Variants in MAP2K2 observed in about 807,000 individuals in gnomAD.
The protein encoded by MAP2K2 is mitogen-activated protein kinase kinase 2.
In MAP2K2, 24 loss-of-function variants were observed where a neutral mutation model predicts 43.7. The ratio of observed to expected loss-of-function variants is 0.55; its 90% CI spans 0.40 to 0.77. MAP2K2 has a LOEUF of 0.77. MAP2K2 is among the 30% of genes least tolerant of loss of function. MAP2K2 has a pLI of 0.00. For synonymous variants in MAP2K2, 244 were observed against 239.7 expected, an observed-to-expected ratio of 1.02 and a Z score of -0.17; for missense variants, 470 against 566.8, an observed-to-expected ratio of 0.83 and a Z score of 1.73.
chr19:4,109,772 G>A (rs558609507), intron 3 of MAP2K2, among the ~76,000 whole-genome samples: 2 of 152,000 alleles, frequency 1.3e-5, no homozygotes, highest in African/African-American at 4.8e-5. Context: ...CACCGTGCCC[G>A]GCCTAATAGG....
chr19:4,093,759 C>T (rs1018395326), intron 10 of MAP2K2, among the ~76,000 whole-genome samples: 1 of 152,190 alleles, frequency 6.6e-6, no homozygotes, highest in African/African-American at 2.4e-5. Context: ...GTGTCTGTAG[C>T]TGGCATCTCT....
chr19:4,098,491 C>T (rs1360698541), intron 7 of MAP2K2, among the ~76,000 whole-genome samples: 3 of 152,156 alleles, frequency 2.0e-5, no homozygotes, highest in Non-Finnish European at 4.4e-5. Context: ...GCCACCAACT[C>T]TCCCTGATGT....
chr19:4,121,326 G>A (rs2041289326), intron 1 of MAP2K2, among the ~76,000 whole-genome samples: 1 of 151,810 alleles, frequency 6.6e-6, no homozygotes. Context: ...CTGCACCTCT[G>A]CTTTCAGGGG....
intron 3 of MAP2K2, among the ~76,000 whole-genome samples, chr19:4,107,441 G>A (rs1035571912): frequency 2.0e-5 from 3 of 150,246 alleles, no homozygotes; most frequent in East Asian, 2.0e-4. Context: ...GGAGAATGGC[G>A]TGAACCTGGG....
intron 1 of MAP2K2, among the ~76,000 whole-genome samples, chr19:4,118,668 C>A (rs1191219928): frequency 3.3e-5 from 5 of 152,148 alleles, no homozygotes; most frequent in African/African-American, 1.2e-4. Flanking sequence ...AGCACAGTGG[C>A]TCATGCCTGT....
In MAP2K2 at chr19:4,102,991, A is replaced by AG. The variant is rs1387760182; in HGVS notation, c.451-539dup. 4 of 1,070,018 alleles carry AG rather than the reference A, an allele frequency of 3.7e-6. No homozygotes were observed. The African/African-American group carries it at 6.8e-5, about 18-fold the overall frequency. 66.3% of individuals were successfully genotyped at this position (1,070,018 alleles called of 1,614,324 possible). A position where few individuals can be genotyped will look rare whatever the true frequency, so the allele number is the denominator to read the frequency against. ...TCGCTGTGTGCCCGTCCAGACCCCC[A>AG]GGGGGCTCCCTCGCCAAGCCCTGCG... On this transcript the variant is annotated intron_variant, in intron 3 of 10. Transcript: ENST00000262948.
intron 9 of MAP2K2, 102 bp from the exon 10 acceptor site, chr19:4,094,600 G>GATCCA: frequency 8.8e-7 from 1 of 1,132,342 alleles, no homozygotes; most frequent in Non-Finnish European, 1.3e-6. Flanking sequence ...TGGTCGGAGG[G>GATCCA]GGCCTGGATC....
intron 3 of MAP2K2, among the ~76,000 whole-genome samples, chr19:4,108,066 C>T (rs2041108751): frequency 6.6e-6 from 1 of 152,298 alleles, no homozygotes; most frequent in East Asian, 1.9e-4. Flanking sequence ...CAGGCCCTTC[C>T]ATGGAAACCT....
intron 2 of MAP2K2, among the ~76,000 whole-genome samples, chr19:4,114,735 G>A (rs867884665): frequency 2.0e-5 from 3 of 152,100 alleles, no homozygotes; most frequent in African/African-American, 4.8e-5. Context: ...GATTCCTTGA[G>A]GTCAGATGTT....
intron 2 of MAP2K2, among the ~76,000 whole-genome samples, chr19:4,116,033 G>T (rs946235830): frequency 1.3e-5 from 2 of 152,204 alleles, no homozygotes; most frequent in Non-Finnish European, 2.9e-5. Flanking sequence ...ACCAGGGCTT[G>T]CAGACTTTCA....
intron 10 of MAP2K2, among the ~76,000 whole-genome samples, chr19:4,093,749 G>A (rs568305890): frequency 2.0e-4 from 30 of 152,178 alleles, no homozygotes; most frequent in Non-Finnish European, 3.5e-4. Flanking sequence ...ACCCGGTTGG[G>A]TGTCTGTAGC....
At chr19:4,103,301 G>A in intron 3 of MAP2K2, 2 of 972,202 alleles carry the variant, frequency 2.1e-6, no homozygotes, top group East Asian at 1.1e-4. Context: ...TCCATGTCTT[G>A]CCCAAGGCTG....
rs2041334391 is a variant in MAP2K2, at chr19:4,123,760, TCCGGCTGACCC to T, written c.92+13_92+23del. Reference sequence around the variant, plus strand: ...CTCCCTGCCCCGTGCACCCCAAGCCTCCGGCTGACCCCTGCCCACTCACTCGGAGGCGCCCT... The same window carrying T: ...CTCCCTGCCCCGTGCACCCCAAGCCTCTGCCCACTCACTCGGAGGCGCCCT... On this transcript the variant is annotated intron_variant, in intron 1 of 10. Coordinates refer to ENST00000262948, the MANE Select transcript of MAP2K2 (RefSeq NM_030662.4). 6.8e-7 allele frequency: 1 copy of T among 1,474,732 alleles called. No individual in the cohort carries two copies. Among genetic ancestry groups the T allele is most frequent in the Non-Finnish European group, 9.0e-7 (1 of 1,105,688 alleles). The allele number at this position is 1,474,732 out of a possible 1,614,324, so 91.4% of individuals were successfully genotyped here. A position where few individuals can be genotyped will look rare whatever the true frequency, so the allele number is the denominator to read the frequency against.
chr19:4,115,756 G>A lies in MAP2K2; in HGVS notation c.303+1663C>T, dbSNP rs1395344677. Among the ~76,000 whole-genome samples, 5 of 152,196 alleles carry A rather than the reference G, an allele frequency of 3.3e-5. No individual in the cohort carries two copies. Among genetic ancestry groups the A allele is most frequent in the Non-Finnish European group, 5.9e-5 (4 of 68,030 alleles). On this transcript the variant is annotated intron_variant, in intron 2 of 10. Coordinates refer to ENST00000262948, the MANE Select transcript of MAP2K2 (RefSeq NM_030662.4). The surrounding 1 kb of genome is among the most constrained non-coding windows in gnomAD (Gnocchi z 4.1). The stretch of plus-strand genomic sequence containing the variant: ...ACTGCTGCCACCTGCGCAGACCCAC[G>A]GGACTAGGTGCAGTCACGTTCCCCC...
intron 10 of MAP2K2, 75 bp from the exon 11 acceptor site, chr19:4,090,783 C>G: frequency 1.0e-6 from 1 of 988,062 alleles, no homozygotes; most frequent in Non-Finnish European, 1.6e-6. Context: ...GTCTGCCCAG[C>G]CCTGGCAGAT....
chr19:4,105,518 C>T (rs371356055), intron 3 of MAP2K2, among the ~76,000 whole-genome samples: 48 of 152,116 alleles, frequency 3.2e-4, no homozygotes, highest in African/African-American at 1.0e-3. Context: ...GTGATCCGCC[C>T]GCCTCGGCCT....
intron 10 of MAP2K2, 134 bp downstream of exon 10, chr19:4,094,319 G>C (rs1265537127): frequency 1.1e-6 from 1 of 944,778 alleles, no homozygotes; most frequent in Admixed American, 2.0e-5. Flanking sequence ...GCGTGGCCTG[G>C]CACACCCGGC....
At chr19:4,099,149 C>T (rs2145049233) in intron 7 of MAP2K2, 52 bp downstream of exon 7, 4 of 1,476,710 alleles carry the variant, frequency 2.7e-6, no homozygotes, top group Non-Finnish European at 2.8e-6. Context: ...CACAGCAGGC[C>T]CCGCGCAGGG....
intron 7 of MAP2K2, among the ~76,000 whole-genome samples, chr19:4,098,912 A>G (rs1010551356): frequency 6.6e-6 from 1 of 152,252 alleles, no homozygotes; most frequent in African/African-American, 2.4e-5. Context: ...AAAATGTTGG[A>G]AAATCCAACT....
Sources: allele counts gnomAD v4.1 joint callset (sites outside exome capture counted in the v4.1 genomes callset), GRCh38; gene constraint gnomAD v4.1.1; non-coding constraint Gnocchi (gnomAD v3.1); transcripts MANE v1.5; gene names NCBI Gene and HGNC (gene_info 2026-07-23, HGNC 2026-07-21).